The following USP20 variants were observed in gnomAD, a reference collection of about 807,000 sequenced individuals.
USP20 encodes ubiquitin specific peptidase 20.
Under a neutral mutation model 124.2 loss-of-function variants are expected in USP20, and 80 were observed. The ratio of observed to expected loss-of-function variants is 0.64; its 90% CI spans 0.54 to 0.78. The LOEUF is 0.78. Ranked by LOEUF, USP20 falls within the 30% of genes least tolerant of loss-of-function variation. The pLI is 0.00. For synonymous variants in USP20, 481 were observed against 512.3 expected (o/e 0.94, Z 0.83); for missense variants, 1,043 against 1,244.4 (o/e 0.84, Z 2.44).
At chr9:129,842,728 G>A (rs1243546990) in intron 1 of USP20, among the ~76,000 whole-genome samples, 1 of 151,806 alleles carries the variant, frequency 6.6e-6, no homozygotes, top group Non-Finnish European at 1.5e-5. Flanking sequence ...TGAGTAGCTG[G>A]GCTTACAGGC....
chr9:129,873,742 G>T lies in USP20; in HGVS notation c.1738G>T (p.Glu580Ter), dbSNP rs771577336. ...GTACTGCAAAGTCCTGCGGTTGCCCGAGGTGAGCCAGTGGCCTCGGCAGCC... is the reference window on the plus strand; with the variant it reads ...GTACTGCAAAGTCCTGCGGTTGCCCTAGGTGAGCCAGTGGCCTCGGCAGCC... ...VKYCKVLRLP[E>*]ILCIHLKRFR... The change falls in exon 17 of 26, where the codon GAG (glutamate) becomes TAG (stop). Residue 580 changes from glutamate to a stop codon, truncating the protein, a stop_gained and splice_region_variant. Coordinates refer to ENST00000372429, the MANE Select transcript of USP20 (RefSeq NM_001110303.4). LOFTEE classifies it high-confidence loss of function. 4 of 1,612,062 alleles carry T rather than the reference G, an allele frequency of 2.5e-6. No individual in the cohort carries two copies. Among genetic ancestry groups the T allele is most frequent in the Non-Finnish European group, 8.5e-7 (1 of 1,180,004 alleles).
chr9:129,877,378 G>T (rs2034452152), intron 22 of USP20, among the ~76,000 whole-genome samples: 1 of 152,086 alleles, frequency 6.6e-6, no homozygotes, highest in African/African-American at 2.4e-5. Flanking sequence ...AATTAGCCAG[G>T]CATGGTGATG....
chr9:129,852,516 G>A (rs996911514), intron 2 of USP20, 24 bp from the exon 3 acceptor site: 17 of 1,562,970 alleles, frequency 1.1e-5, no homozygotes, highest in African/African-American at 9.5e-5. Flanking sequence ...CCATTAACCC[G>A]GGATTGCTTG....
At chr9:129,859,954 C>A (rs1219980245) in intron 6 of USP20, among the ~76,000 whole-genome samples, 1 of 152,042 alleles carries the variant, frequency 6.6e-6, no homozygotes, top group Non-Finnish European at 1.5e-5. Context: ...ATCACTTGAG[C>A]CCGGGAGTTC....
intron 15 of USP20, 52 bp from the exon 16 acceptor site, chr9:129,873,430 T>A (rs1351528316): frequency 1.2e-6 from 2 of 1,606,774 alleles, no homozygotes; most frequent in African/African-American, 2.7e-5. Flanking sequence ...TTTTTTTTGC[T>A]CCCTCATTTT....
chr9:129,836,051 C>T (rs529428554), intron 1 of USP20, among the ~76,000 whole-genome samples: 1 of 152,188 alleles, frequency 6.6e-6, no homozygotes, highest in East Asian at 1.9e-4. Context: ...CGGCCACCCC[C>T]CTGGACCTTC....
chr9:129,835,800 G>T (rs1346439519), intron 1 of USP20: 1 of 152,334 alleles, frequency 6.6e-6, no homozygotes. Flanking sequence ...AGCGTTGAAA[G>T]CATCCGCGTG....
At chr9:129,845,908 G>T (rs888606797) in intron 1 of USP20, among the ~76,000 whole-genome samples, 21 of 151,458 alleles carry the variant, frequency 1.4e-4, no homozygotes, top group Non-Finnish European at 2.8e-4. Context: ...GTAATAATAG[G>T]TTTTTTTTGT....
At chr9:129,867,953 C>T in intron 10 of USP20, 52 bp from the exon 11 acceptor site, 2 of 1,564,102 alleles carry the variant, frequency 1.3e-6, no homozygotes, top group Non-Finnish European at 1.7e-6. Flanking sequence ...GCGCTGGAGA[C>T]TGGTTCCTCC....
rs2034595598 is a variant in USP20, at chr9:129,880,470, C to T, written c.*20C>T. 1 of 704,496 alleles carries T rather than the reference C, an allele frequency of 1.4e-6. No individual in the cohort carries two copies. Among genetic ancestry groups the T allele is most frequent in the Admixed American group, 3.0e-5 (1 of 33,618 alleles). The allele number at this position is 704,496 out of a possible 1,614,324, so 43.6% of individuals were successfully genotyped here. On this transcript the variant is annotated 3_prime_UTR_variant, in exon 26 of 26. Transcript: ENST00000372429. Reference sequence around the variant, plus strand: ...CTGAGTGCCCGTGTCCCCACAGCCCCATGTGCCCCACCCCGCGGAAGGCGT... The same window carrying T: ...CTGAGTGCCCGTGTCCCCACAGCCCTATGTGCCCCACCCCGCGGAAGGCGT...
At chr9:129,836,003 A>G (rs7020657) in intron 1 of USP20, 28,492 of 152,084 alleles carry the variant, frequency 0.19, 3,164 homozygotes, top group South Asian at 0.26. Flanking sequence ...AAGCCACGCA[A>G]GAGGGTTTGA....
At chr9:129,842,534 T>A (rs957450412) in intron 1 of USP20, among the ~76,000 whole-genome samples, 3 of 151,784 alleles carry the variant, frequency 2.0e-5, no homozygotes, top group African/African-American at 7.3e-5. Context: ...TTCAGACAGC[T>A]GAGATATGCA....
chr9:129,852,288 C>T (rs562187747), intron 2 of USP20, among the ~76,000 whole-genome samples: 1 of 152,296 alleles, frequency 6.6e-6, no homozygotes, highest in Admixed American at 6.5e-5. Context: ...ATGGGCTTTC[C>T]CTACATCAGG....
At chr9:129,873,206 C>T (rs916629402) in intron 15 of USP20, among the ~76,000 whole-genome samples, 2 of 149,756 alleles carry the variant, frequency 1.3e-5, no homozygotes, top group African/African-American at 4.9e-5. Flanking sequence ...ACCTCAGCCT[C>T]CTGAGTAGCT....
At chr9:129,877,729 A>G (rs866304418) in intron 22 of USP20, among the ~76,000 whole-genome samples, 2 of 151,820 alleles carry the variant, frequency 1.3e-5, no homozygotes, top group Non-Finnish European at 2.9e-5. Context: ...TGTCAGAAGG[A>G]GAGCTGCCTC....
At chr9:129,863,017 A>G (rs2033629527) in intron 8 of USP20, among the ~76,000 whole-genome samples, 169 bp from the exon 9 acceptor site, 1 of 152,122 alleles carries the variant, frequency 6.6e-6, no homozygotes, top group Admixed American at 6.6e-5. Flanking sequence ...TGGAGGATAC[A>G]ATTTTCTCAT....
In USP20 at chr9:129,869,806, C is replaced by T. The variant is rs927103749; in HGVS notation, c.1527C>T (p.Ala509=). The T allele has an allele frequency of 6.2e-7, 1 of 1,613,896 alleles. No individual in the cohort carries two copies. The highest frequency in any genetic ancestry group is 8.5e-7 in the Non-Finnish European group (1 of 1,180,036). ...KPGACGDSYA[A]QGWLAFIVEY... ...GCGCCTGTGGGGACAGCTATGCCGCCCAGGGCTGGCTGGCCTTCATTGTGG... is the reference window on the plus strand; with the variant it reads ...GCGCCTGTGGGGACAGCTATGCCGCTCAGGGCTGGCTGGCCTTCATTGTGG... The change falls in exon 14 of 26, where the codon GCC becomes GCT. Residue 509 remains alanine (A), a synonymous_variant. Transcript: ENST00000372429.
At chr9:129,861,705 C>T (rs2033560515) in intron 8 of USP20, 93 bp downstream of exon 8, 3 of 1,185,586 alleles carry the variant, frequency 2.5e-6, no homozygotes, top group South Asian at 2.6e-5. Context: ...TGCCCACAAA[C>T]ACATGTATAG....
chr9:129,856,425 G>T (rs1325012521), intron 4 of USP20, 65 bp downstream of exon 4: 18 of 1,572,074 alleles, frequency 1.1e-5, no homozygotes, highest in African/African-American at 8.1e-5. Context: ...CACTGCACAG[G>T]CTGGTGCAGT....
Sources: allele counts gnomAD v4.1 joint callset (sites outside exome capture counted in the v4.1 genomes callset), GRCh38; gene constraint gnomAD v4.1.1; transcripts MANE v1.5; gene names NCBI Gene and HGNC (gene_info 2026-07-23, HGNC 2026-07-21).